ARHGAP6: variants seen among roughly 807,000 people sequenced by gnomAD.
The protein encoded by ARHGAP6 is rho GTPase-activating protein 6.
In ARHGAP6, 16 loss-of-function variants were observed where a neutral mutation model predicts 55.7. The ratio of observed to expected loss-of-function variants is 0.29; its 90% CI spans 0.19 to 0.44. ARHGAP6 has a LOEUF of 0.44. Ranked by LOEUF, ARHGAP6 falls within the 20% of genes least tolerant of loss-of-function variation. ARHGAP6 has a pLI of 1.00. For missense variants in ARHGAP6, 698 were observed against 808.9 expected, an observed-to-expected ratio of 0.86 and a Z score of 1.66; for synonymous variants, 382 against 360.9, an observed-to-expected ratio of 1.06 and a Z score of -0.66.
chrX:11,602,204 C>T (rs748652122), intron 1 of ARHGAP6, among the ~76,000 whole-genome samples: 1 of 111,614 alleles, frequency 9.0e-6, no homozygotes, highest in East Asian at 2.8e-4. Flanking sequence ...AATATCATGA[C>T]ATATCTTAAT....
At chrX:11,156,187 C>T (rs766979502) in intron 10 of ARHGAP6, among the ~76,000 whole-genome samples, 13 of 112,229 alleles carry the variant, frequency 1.2e-4, no homozygotes, top group South Asian at 3.7e-4. Context: ...CCCCTATGCA[C>T]GCTTATCAGA....
Position 11,418,195 on chromosome X carries a change from A to G in ARHGAP6, c.589-163488T>C, listed in dbSNP as rs190618617. Reference sequence around the variant, plus strand: ...CTCCAAAGAAGCAGGATGAATATTTATGAAAGTGGGTGCACAGAAGACTCA... The same window carrying G: ...CTCCAAAGAAGCAGGATGAATATTTGTGAAAGTGGGTGCACAGAAGACTCA... On this transcript the variant is annotated intron_variant, in intron 1 of 12. Coordinates refer to ENST00000337414, the MANE Select transcript of ARHGAP6 (RefSeq NM_013427.3). Among the ~76,000 whole-genome samples, 4 of 112,017 alleles carry G rather than the reference A, an allele frequency of 3.6e-5. No individual in the cohort carries two copies. The East Asian group carries it at 1.1e-3, about 31-fold the overall frequency.
At chrX:11,302,970 A>G (rs779847170) in intron 1 of ARHGAP6, among the ~76,000 whole-genome samples, 1 of 112,640 alleles carries the variant, frequency 8.9e-6, no homozygotes, top group East Asian at 2.8e-4. Flanking sequence ...AGCTGAAAAT[A>G]CCAAGACTGA....
intron 1 of ARHGAP6, among the ~76,000 whole-genome samples, chrX:11,422,597 A>G (rs1432352301): frequency 8.9e-6 from 1 of 112,538 alleles, no homozygotes; most frequent in African/African-American, 3.2e-5. Flanking sequence ...AAGTCTGAGA[A>G]TGAAACAGGT....
chrX:11,198,150 T>A, intron 2 of ARHGAP6, among the ~76,000 whole-genome samples: 1 of 111,775 alleles, frequency 8.9e-6, no homozygotes, highest in Non-Finnish European at 1.9e-5. Context: ...CCACTCCTCA[T>A]TTTTGGAAGG....
chrX:11,262,045 TTTTG>T (rs753317487), intron 1 of ARHGAP6, among the ~76,000 whole-genome samples: 67 of 112,344 alleles, frequency 6.0e-4, no homozygotes, highest in African/African-American at 1.7e-3. Flanking sequence ...TATTTATATA[TTTTG>T]TTTATCATAA....
intron 1 of ARHGAP6, among the ~76,000 whole-genome samples, chrX:11,550,906 T>C (rs1248635125): frequency 1.8e-5 from 2 of 111,904 alleles, no homozygotes; most frequent in Non-Finnish European, 3.8e-5. Flanking sequence ...GTGTGGTGAC[T>C]GATGTCAAAA....
intron 1 of ARHGAP6, among the ~76,000 whole-genome samples, chrX:11,438,063 C>T (rs900143021): frequency 4.4e-5 from 5 of 112,413 alleles, no homozygotes; most frequent in Non-Finnish European, 7.5e-5. Context: ...TCGGTCTTTT[C>T]GTACTCCTCC....
intron 1 of ARHGAP6, among the ~76,000 whole-genome samples, chrX:11,413,342 G>A (rs965034154): frequency 1.1e-4 from 12 of 112,406 alleles, no homozygotes; most frequent in African/African-American, 3.2e-4. Context: ...ATGATAGCGG[G>A]AGGCCATGGT....
chrX:11,476,837 A>G (rs1463441257), intron 1 of ARHGAP6, among the ~76,000 whole-genome samples: 1 of 111,719 alleles, frequency 9.0e-6, no homozygotes, highest in East Asian at 2.8e-4. Flanking sequence ...TGAATCATAG[A>G]CCTAAATGTA....
chrX:11,631,244 G>A (rs1019912316), intron 1 of ARHGAP6, among the ~76,000 whole-genome samples: 2 of 111,343 alleles, frequency 1.8e-5, no homozygotes, highest in Non-Finnish European at 3.8e-5. Flanking sequence ...GGTAAAATGG[G>A]CTGGGCACAG....
chrX:11,652,962 G>GA (rs2052602330), intron 1 of ARHGAP6, among the ~76,000 whole-genome samples: 1 of 112,148 alleles, frequency 8.9e-6, no homozygotes, highest in South Asian at 3.7e-4. Context: ...AGCAAAAAGA[G>GA]AATCTGATTG....
intron 1 of ARHGAP6, among the ~76,000 whole-genome samples, chrX:11,456,187 T>G (rs907251341): frequency 1.8e-5 from 2 of 111,849 alleles, no homozygotes; most frequent in Non-Finnish European, 3.8e-5. Flanking sequence ...ATTACACATT[T>G]TAACTATCGT....
chrX:11,603,401 G>A (rs760617139), intron 1 of ARHGAP6, among the ~76,000 whole-genome samples: 1 of 111,788 alleles, frequency 8.9e-6, no homozygotes, highest in African/African-American at 3.3e-5. Context: ...CACAAAACAA[G>A]GTACAAAATA....
At chrX:11,518,902 G>C (rs1429131290) in intron 1 of ARHGAP6, among the ~76,000 whole-genome samples, 1 of 90,679 alleles carries the variant, frequency 1.1e-5, no homozygotes, top group Non-Finnish European at 2.1e-5. Context: ...TTTTGTTCTT[G>C]CGATAGTTTA....
At chrX:11,656,949 A>G (rs760615087) in intron 1 of ARHGAP6, among the ~76,000 whole-genome samples, 4 of 112,212 alleles carry the variant, frequency 3.6e-5, no homozygotes, top group Non-Finnish European at 7.5e-5. Context: ...TACTGCTTTC[A>G]TAAACTGGAA....
chrX:11,354,321 C>CTATATATA (rs1295985738), intron 1 of ARHGAP6, among the ~76,000 whole-genome samples: 31 of 64,355 alleles, frequency 4.8e-4, no homozygotes, highest in Non-Finnish European at 5.9e-4. Context: ...CTCTCTCTCT[C>CTATATATA]TCTCTCTATA....
At chrX:11,500,124 T>C (rs1198947311) in intron 1 of ARHGAP6, among the ~76,000 whole-genome samples, 1 of 111,823 alleles carries the variant, frequency 8.9e-6, no homozygotes, top group African/African-American at 3.2e-5. Context: ...ATGAAAGTAC[T>C]TGAAAGGGCA....
At chrX:11,148,971 A>G (rs778490627) in intron 10 of ARHGAP6, among the ~76,000 whole-genome samples, 1 of 112,493 alleles carries the variant, frequency 8.9e-6, no homozygotes, top group East Asian at 2.8e-4. Context: ...GAATGTGCAC[A>G]TTAATCACCA....
Sources: allele counts gnomAD v4.1 joint callset (sites outside exome capture counted in the v4.1 genomes callset), GRCh38; gene constraint gnomAD v4.1.1; transcripts MANE v1.5; gene names NCBI Gene and HGNC (gene_info 2026-07-23, HGNC 2026-07-21).